Variants in PIAS1 observed in about 807,000 individuals in gnomAD.
The protein encoded by PIAS1 is protein inhibitor of activated STAT 1, also known as E3 SUMO-protein ligase PIAS1.
Under a neutral mutation model 71.3 loss-of-function variants are expected in PIAS1, and 6 were observed. The ratio of observed to expected loss-of-function variants is 0.08; its 90% CI spans 0.05 to 0.17. The LOEUF (loss-of-function observed/expected upper bound fraction) is 0.17, where lower values mean the gene tolerates loss of function less well. Ranked by LOEUF, PIAS1 falls within the 10% of genes least tolerant of loss-of-function variation. The pLI is 1.00. For missense variants in PIAS1, 555 were observed against 793.6 expected, an observed-to-expected ratio of 0.70 and a Z score of 3.61; for synonymous variants, 303 against 292.9, an observed-to-expected ratio of 1.03 and a Z score of -0.35.
At chr15:68,119,546 C>A (rs2092596596) in intron 2 of PIAS1, among the ~76,000 whole-genome samples, 1 of 151,970 alleles carries the variant, frequency 6.6e-6, no homozygotes, top group South Asian at 2.1e-4. Flanking sequence ...CTTTGTATGA[C>A]TTGAATCCTC....
Position 68,187,472 on chromosome 15 carries a change from C to A in PIAS1, c.1663-70C>A. 2 of 1,399,784 alleles carry A rather than the reference C, an allele frequency of 1.4e-6. No individual in the cohort carries two copies. The highest frequency in any genetic ancestry group is 2.0e-6 in the Non-Finnish European group (2 of 1,001,638). 86.7% of individuals were successfully genotyped at this position (1,399,784 alleles called of 1,614,324 possible). ...CTATCTTAAATTTAGGGCTGTGTCC[C>A]GCTGAGGAGAAAATATATTAATTTG... On this transcript the variant is annotated intron_variant, in intron 13 of 13. Coordinates refer to ENST00000249636, the MANE Select transcript of PIAS1 (RefSeq NM_016166.3). This position sits in a 1 kb window ranked among gnomAD's most constrained non-coding sequence, Gnocchi z 5.3.
chr15:68,134,578 G>A lies in PIAS1; in HGVS notation c.470-7368G>A, dbSNP rs1274892780. Among the ~76,000 whole-genome samples the A allele has an allele frequency of 2.9e-4, 11 of 37,404 alleles. 3 individuals carry two copies. Among genetic ancestry groups the A allele is most frequent in the Non-Finnish European group, 9.9e-4 (9 of 9,074 alleles). The allele number at this position is 37,404 out of a possible 152,430, so 24.5% of individuals were successfully genotyped here. A position where few individuals can be genotyped will look rare whatever the true frequency, so the allele number is the denominator to read the frequency against. On this transcript the variant is annotated intron_variant, in intron 2 of 13. Coordinates refer to ENST00000249636, the MANE Select transcript of PIAS1 (RefSeq NM_016166.3). ...CCAGTAGGGGCGGCCGGGCAGAGGC[G>A]CCCCCCACCCCCCAGACGGGGCGGC...
rs1214633188 is a variant in PIAS1, at chr15:68,193,137, A to G, written c.*5302A>G. ...GGGGAGGTGGCTTAAGGCAATGACCAGTGTGGGCCACTTGAGCAGACCATC... is the reference window on the plus strand; with the variant it reads ...GGGGAGGTGGCTTAAGGCAATGACCGGTGTGGGCCACTTGAGCAGACCATC... On this transcript the variant is annotated 3_prime_UTR_variant, in exon 14 of 14. Coordinates refer to ENST00000249636, the MANE Select transcript of PIAS1 (RefSeq NM_016166.3). 1 of 152,300 alleles carries G rather than the reference A, an allele frequency of 6.6e-6. No homozygotes were observed. The highest frequency in any genetic ancestry group is 1.5e-5 in the Non-Finnish European group (1 of 68,102). 9.4% of individuals were successfully genotyped at this position (152,300 alleles called of 1,614,324 possible). A position where few individuals can be genotyped will look rare whatever the true frequency, so the allele number is the denominator to read the frequency against.
chr15:68,160,379 A>G lies in PIAS1; in HGVS notation c.935-4352A>G, dbSNP rs555133773. 7.2e-5 allele frequency among the ~76,000 whole-genome samples: 11 copies of G among 152,210 alleles called. No individual in the cohort carries two copies. In the East Asian group the frequency reaches 2.1e-3, roughly 29 times the overall value. On this transcript the variant is annotated intron_variant, in intron 7 of 13. Transcript: ENST00000249636. ...TGTTGAAAAGACTGTCTTTCCTTCC[A>G]TTTCATTACCTTGGCACCTTTATCA...
chr15:68,153,907 T>C (rs1174155329), intron 7 of PIAS1: 1 of 344,966 alleles, frequency 2.9e-6, no homozygotes, highest in African/African-American at 2.1e-5. Flanking sequence ...TGCACAAACA[T>C]GGAAGAATAT....
chr15:68,083,981 A>G (rs1012198518), intron 1 of PIAS1, among the ~76,000 whole-genome samples: 1 of 152,180 alleles, frequency 6.6e-6, no homozygotes, highest in African/African-American at 2.4e-5. Flanking sequence ...AGAGAGAGAC[A>G]AAAAATGTAA....
In PIAS1 at chr15:68,171,226, A is replaced by C. The variant is rs1421413996; in HGVS notation, c.1009-2506A>C. Among the ~76,000 whole-genome samples, 1 of 152,026 alleles carries C rather than the reference A, an allele frequency of 6.6e-6. No individual in the cohort carries two copies. Among genetic ancestry groups the C allele is most frequent in the Non-Finnish European group, 1.5e-5 (1 of 68,008 alleles). On this transcript the variant is annotated intron_variant, in intron 8 of 13. Transcript: ENST00000249636. The surrounding 1 kb of genome is among the most constrained non-coding windows in gnomAD (Gnocchi z 4.4). ...ACTTTCCACCTCCACATCTTTTCCC[A>C]CTGGAACGTCTTCAGTGGCAGTAAC...
intron 2 of PIAS1, among the ~76,000 whole-genome samples, chr15:68,111,576 CT>C (rs1415513080): frequency 6.6e-6 from 1 of 151,864 alleles, no homozygotes; most frequent in Non-Finnish European, 1.5e-5. Context: ...CAATTTAACA[CT>C]AATATCAAAA....
At chr15:68,137,091 A>G (rs1446053688) in intron 2 of PIAS1, among the ~76,000 whole-genome samples, 4 of 152,266 alleles carry the variant, frequency 2.6e-5, no homozygotes, top group African/African-American at 7.2e-5. Context: ...ATGTAAAACA[A>G]CCATTTGAAA....
At chr15:68,182,462 C>A (rs1236133315) in intron 12 of PIAS1, among the ~76,000 whole-genome samples, 1 of 81,792 alleles carries the variant, frequency 1.2e-5, no homozygotes, top group African/African-American at 4.4e-5. Flanking sequence ...GTGTGTGTGT[C>A]GGAGTTTTGC....
intron 2 of PIAS1, among the ~76,000 whole-genome samples, chr15:68,097,585 A>G (rs990902209): frequency 1.3e-5 from 2 of 152,202 alleles, no homozygotes; most frequent in Middle Eastern, 3.4e-3. Context: ...GGCACGCACC[A>G]CCACGCCCAT....
At chr15:68,155,336 CCTTA>C (rs2092880103) in intron 7 of PIAS1, among the ~76,000 whole-genome samples, 1 of 151,190 alleles carries the variant, frequency 6.6e-6, no homozygotes, top group Non-Finnish European at 1.5e-5. Flanking sequence ...TGATACCTTA[CCTTA>C]CTTATTGGCC....
chr15:68,128,294 G>A (rs780539037), intron 2 of PIAS1, among the ~76,000 whole-genome samples: 57 of 152,136 alleles, frequency 3.7e-4, no homozygotes, highest in Non-Finnish European at 7.3e-4. Flanking sequence ...AGCCTCCTGA[G>A]TAACTTGGGT....
At chr15:68,110,167 A>G (rs1595732295) in intron 2 of PIAS1, among the ~76,000 whole-genome samples, 1 of 152,232 alleles carries the variant, frequency 6.6e-6, no homozygotes, top group Non-Finnish European at 1.5e-5. Context: ...TAAGAATTAG[A>G]AAATTGAAGA....
intron 2 of PIAS1, among the ~76,000 whole-genome samples, chr15:68,092,189 T>C (rs979016631): frequency 1.3e-5 from 2 of 152,196 alleles, no homozygotes; most frequent in Admixed American, 1.3e-4. Flanking sequence ...TTTCTTTTTT[T>C]TTCCGAGATG....
intron 1 of PIAS1, among the ~76,000 whole-genome samples, chr15:68,079,352 G>A (rs1478233562): frequency 6.6e-6 from 1 of 152,146 alleles, no homozygotes; most frequent in African/African-American, 2.4e-5. Context: ...TGTGTGCAGA[G>A]CAGCCTTTTT....
chr15:68,134,552 C>T (rs2092707369), intron 2 of PIAS1, among the ~76,000 whole-genome samples: 1 of 49,032 alleles, frequency 2.0e-5, no homozygotes, highest in African/African-American at 4.2e-5. Flanking sequence ...ATCCTCACTT[C>T]CCAGTAGGGG....
chr15:68,088,176 G>GTATGTA lies in PIAS1; in HGVS notation c.469+1429_469+1430insGTATAT, dbSNP rs1555424823. Among the ~76,000 whole-genome samples, 78 of 73,000 alleles carry GTATGTA rather than the reference G, an allele frequency of 1.1e-3. 1 individual carries two copies. The highest frequency in any genetic ancestry group is 4.8e-3 in the African/African-American group (77 of 16,146). 47.9% of individuals were successfully genotyped at this position (73,000 alleles called of 152,430 possible). Reference sequence around the variant, plus strand: ...TTCTTGTCTGTCTGATTATGTGTGTGTATATATATATATATATATATATAT... The same window carrying GTATGTA: ...TTCTTGTCTGTCTGATTATGTGTGTGTATGTATATATATATATATATATATATATAT... On this transcript the variant is annotated intron_variant, in intron 2 of 13. Coordinates refer to ENST00000249636, the MANE Select transcript of PIAS1 (RefSeq NM_016166.3).
At chr15:68,150,234 A>T (rs1269701077) in intron 6 of PIAS1, among the ~76,000 whole-genome samples, 1 of 152,128 alleles carries the variant, frequency 6.6e-6, no homozygotes, top group African/African-American at 2.4e-5. Flanking sequence ...CCAAGGAAGA[A>T]GGGGAGTGTT....
Sources: gnomAD v4.1 joint callset for allele counts (sites outside exome capture counted in the v4.1 genomes callset) on GRCh38, gnomAD v4.1.1 for gene constraint, Gnocchi (gnomAD v3.1) non-coding constraint, MANE v1.5 for transcripts, NCBI Gene and HGNC (gene_info 2026-07-23, HGNC 2026-07-21) for gene names.